DPP6: variants seen among roughly 807,000 people sequenced by gnomAD.
DPP6 encodes the protein dipeptidyl peptidase like 6.
DPP6 carries 69 observed loss-of-function variants against 122.6 expected under a neutral mutation model. The ratio of observed to expected loss-of-function variants is 0.56; its 90% CI spans 0.46 to 0.69. The LOEUF (loss-of-function observed/expected upper bound fraction) is 0.69, where lower values mean the gene tolerates loss of function less well. Among genes scored for constraint, DPP6 ranks in the 30% least tolerant of loss-of-function variants. The pLI is 0.00. For synonymous variants in DPP6, 418 were observed against 433.1 expected (o/e 0.97, Z 0.43); for missense variants, 928 against 1,116.9 (o/e 0.83, Z 2.41).
At chr7:154,537,349 C>T (rs888613235) in intron 3 of DPP6, among the ~76,000 whole-genome samples, 3 of 152,066 alleles carry the variant, frequency 2.0e-5, no homozygotes, top group African/African-American at 7.2e-5. Context: ...ATCAGAGATA[C>T]CATTTTTACA....
intron 1 of DPP6, among the ~76,000 whole-genome samples, chr7:154,175,445 C>T (rs1236062968): frequency 3.3e-5 from 5 of 152,022 alleles, no homozygotes; most frequent in East Asian, 1.9e-4. Context: ...AGCATGAGCT[C>T]GGAAGCAGGT....
intron 1 of DPP6, among the ~76,000 whole-genome samples, chr7:154,194,374 G>C (rs976460429): frequency 2.6e-5 from 4 of 152,164 alleles, no homozygotes; most frequent in African/African-American, 9.7e-5. Context: ...TTTTTGAACA[G>C]TTTTATTGAG....
At chr7:154,722,002 C>CAAAAA (rs34504657) in intron 7 of DPP6, among the ~76,000 whole-genome samples, 3 of 128,640 alleles carry the variant, frequency 2.3e-5, no homozygotes, top group Admixed American at 1.6e-4. Context: ...CCATCTCTAC[C>CAAAAA]AAAAAAAAAA....
intron 5 of DPP6, among the ~76,000 whole-genome samples, chr7:154,636,126 G>A (rs1178942761): frequency 2.0e-5 from 3 of 151,990 alleles, no homozygotes; most frequent in African/African-American, 7.3e-5. Flanking sequence ...TGCCCCCTAG[G>A]GATGCTATGA....
chr7:154,692,136 C>T (rs578238218), intron 7 of DPP6, among the ~76,000 whole-genome samples: 1 of 152,194 alleles, frequency 6.6e-6, no homozygotes, highest in Non-Finnish European at 1.5e-5. Context: ...TGTTAGTTCC[C>T]TCCCTGATGT....
intron 3 of DPP6, among the ~76,000 whole-genome samples, chr7:154,518,781 G>A (rs750191960): frequency 4.6e-4 from 70 of 152,166 alleles, no homozygotes; most frequent in Non-Finnish European, 6.2e-4. Flanking sequence ...GACCTAATAG[G>A]TGAACCCAGA....
At chr7:154,370,688 A>G (rs1812578744) in intron 1 of DPP6, among the ~76,000 whole-genome samples, 1 of 152,186 alleles carries the variant, frequency 6.6e-6, no homozygotes, top group South Asian at 2.1e-4. Context: ...GAATGTTTGA[A>G]TGTCACTCAG....
chr7:154,504,306 C>G (rs1825496195), intron 3 of DPP6, among the ~76,000 whole-genome samples: 1 of 152,174 alleles, frequency 6.6e-6, no homozygotes, highest in Admixed American at 6.5e-5. Context: ...AGCATGAAGA[C>G]AGTTACTGTC....
intron 1 of DPP6, among the ~76,000 whole-genome samples, chr7:154,194,094 A>G (rs746482809): frequency 1.3e-5 from 2 of 152,202 alleles, no homozygotes; most frequent in Non-Finnish European, 2.9e-5. Context: ...GCCCCAAGGT[A>G]TTCCTTACTT....
chr7:153,763,892 G>T, the DPP6 span, among the ~76,000 whole-genome samples: 1 of 152,170 alleles, frequency 6.6e-6, no homozygotes, highest in Non-Finnish European at 1.5e-5. Context: ...AAAATGATGT[G>T]TAATGTACAA....
chr7:154,779,457 C>T (rs1014326772), intron 10 of DPP6, among the ~76,000 whole-genome samples: 1 of 152,154 alleles, frequency 6.6e-6, no homozygotes, highest in Non-Finnish European at 1.5e-5. Context: ...CTCACATTTA[C>T]AATGTCAATA....
intron 1 of DPP6, among the ~76,000 whole-genome samples, chr7:154,031,317 TTC>T (rs1257130275): frequency 6.7e-6 from 1 of 148,366 alleles, no homozygotes; most frequent in Admixed American, 6.7e-5. Context: ...CCCAGACCTC[TTC>T]TGTCATCTCA....
the DPP6 span, among the ~76,000 whole-genome samples, chr7:153,867,368 C>A: frequency 6.6e-6 from 1 of 152,258 alleles, no homozygotes; most frequent in Non-Finnish European, 1.5e-5. Context: ...TCCTTCATAT[C>A]CCTTGTAAAT....
At chr7:153,984,094 A>G (rs570267718) in intron 1 of DPP6, among the ~76,000 whole-genome samples, 3 of 146,904 alleles carry the variant, frequency 2.0e-5, no homozygotes, top group Non-Finnish European at 4.5e-5. Flanking sequence ...ACACACACAC[A>G]CACACACACG....
intron 1 of DPP6, among the ~76,000 whole-genome samples, chr7:154,065,933 A>G (rs1460477996): frequency 1.3e-5 from 2 of 152,024 alleles, no homozygotes; most frequent in African/African-American, 4.8e-5. Context: ...GGCCTTAAGC[A>G]GTCCCAGAAT....
In DPP6 at chr7:153,984,053, AACACACACACACACACACACAC is replaced by A. The variant is rs528640069; in HGVS notation, c.51+96348_51+96369del. 1.7e-3 allele frequency among the ~76,000 whole-genome samples: 224 copies of A among 132,016 alleles called. 1 individual carries two copies. The highest frequency in any genetic ancestry group is 2.4e-3 in the Non-Finnish European group (144 of 61,248). 86.6% of individuals were successfully genotyped at this position (132,016 alleles called of 152,430 possible). ...TTATTCTAACAACCATTCTGTCCAT[AACACACACACACACACACACAC>A]ACACACACACACACACACACACACA... On this transcript the variant is annotated intron_variant, in intron 1 of 25. Transcript: ENST00000404039.
intron 1 of DPP6, among the ~76,000 whole-genome samples, chr7:154,396,607 A>G (rs931107407): frequency 9.9e-5 from 15 of 152,236 alleles, no homozygotes; most frequent in Non-Finnish European, 2.1e-4. Flanking sequence ...CCTGGAGCAC[A>G]ACTTTGGTTT....
intron 4 of DPP6, among the ~76,000 whole-genome samples, chr7:154,555,977 A>C (rs1830009692): frequency 6.6e-6 from 1 of 152,190 alleles, no homozygotes; most frequent in African/African-American, 2.4e-5. Flanking sequence ...TAGAACTCTG[A>C]AACTGCTTTA....
At chr7:154,799,995 C>A (rs1798263085) in intron 12 of DPP6, among the ~76,000 whole-genome samples, 1 of 152,106 alleles carries the variant, frequency 6.6e-6, no homozygotes, top group Non-Finnish European at 1.5e-5. Context: ...ATGCTTCTGG[C>A]CAGAATTAAT....
Sources: allele counts gnomAD v4.1 joint callset (sites outside exome capture counted in the v4.1 genomes callset), GRCh38; gene constraint gnomAD v4.1.1; transcripts MANE v1.5; gene names NCBI Gene and HGNC (gene_info 2026-07-23, HGNC 2026-07-21).